Variants in SCD5 observed in about 807,000 individuals in gnomAD.
The protein encoded by SCD5 is stearoyl-CoA desaturase 5, also known as acyl-CoA-desaturase 4.
Under a neutral mutation model 30.4 loss-of-function variants are expected in SCD5, and 20 were observed. That is an observed-to-expected ratio of 0.66 (90% confidence interval 0.46 to 0.96). The LOEUF is 0.96. Among genes scored for constraint, SCD5 ranks in the 40% least tolerant of loss-of-function variants. The pLI is 0.00. For missense variants in SCD5, 381 were observed against 443.3 expected (o/e 0.86, Z 1.26); for synonymous variants, 173 against 176.4 (o/e 0.98, Z 0.16).
At position 82,702,596 on chromosome 4, in the gene SCD5, G is replaced by T. The variant is rs1719876188; in HGVS notation, c.363+2687C>A. 2.0e-5 allele frequency among the ~76,000 whole-genome samples: 3 copies of T among 152,186 alleles called. No homozygotes were observed. The South Asian group carries it at 6.2e-4, about 31-fold the overall frequency. On this transcript the variant is annotated intron_variant, in intron 2 of 4. Transcript: ENST00000319540. ...TACTGTTCTTAATGCTCAAGGTCTTGTTTGTAGCATCTAGCAAAAACCCTG... is the reference window on the plus strand; with the variant it reads ...TACTGTTCTTAATGCTCAAGGTCTTTTTTGTAGCATCTAGCAAAAACCCTG...
intron 2 of SCD5, among the ~76,000 whole-genome samples, chr4:82,698,246 CCA>C (rs1719739221): frequency 6.6e-6 from 1 of 152,290 alleles, no homozygotes; most frequent in South Asian, 2.1e-4. Flanking sequence ...GACTTAGAAC[CCA>C]CAGAGAGCCA....
chr4:82,636,878 G>A (rs1727444835), intron 3 of SCD5, 55 bp from the exon 4 acceptor site: 4 of 1,437,852 alleles, frequency 2.8e-6, no homozygotes, highest in Admixed American at 4.3e-5. Flanking sequence ...AGAGAGGATG[G>A]GCTGAGCAAG....
chr4:82,706,371 G>T (rs1016840777), intron 1 of SCD5, among the ~76,000 whole-genome samples: 30 of 152,224 alleles, frequency 2.0e-4, no homozygotes, highest in African/African-American at 5.8e-4. Flanking sequence ...TTCCCAGTCA[G>T]ACCTTTACCA....
intron 1 of SCD5, among the ~76,000 whole-genome samples, chr4:82,722,278 C>G (rs1003894043): frequency 6.6e-6 from 1 of 151,422 alleles, no homozygotes; most frequent in South Asian, 2.1e-4. Flanking sequence ...CCAAAAAGGG[C>G]TCCATCTTGA....
At position 82,718,792 on chromosome 4, in the gene SCD5, T is replaced by C. The variant is rs539562684; in HGVS notation, c.233-13379A>G. Among the ~76,000 whole-genome samples, 5 of 151,988 alleles carry C rather than the reference T, an allele frequency of 3.3e-5. No individual in the cohort carries two copies. The East Asian group carries it at 9.6e-4, about 29-fold the overall frequency. ...TTTATTCTTGCCAAATCGCTTTAAG[T>C]TGCTGTGAATAACCCCAAGACAGAC... is the stretch of plus-strand genomic sequence containing the variant. On this transcript the variant is annotated intron_variant, in intron 1 of 4. Coordinates refer to ENST00000319540, the MANE Select transcript of SCD5 (RefSeq NM_001037582.3).
At chr4:82,658,054 G>C (rs1727902507) in intron 3 of SCD5, among the ~76,000 whole-genome samples, 1 of 152,194 alleles carries the variant, frequency 6.6e-6, no homozygotes, top group Non-Finnish European at 1.5e-5. Context: ...GAGACAATTT[G>C]ACTTCCTCTC....
chr4:82,784,368 C>A (rs900404707), intron 1 of SCD5, among the ~76,000 whole-genome samples: 1 of 152,102 alleles, frequency 6.6e-6, no homozygotes, highest in South Asian at 2.1e-4. Context: ...TTGTGAGTGA[C>A]GAGTACACCT....
rs375098465 is a variant in SCD5 at position 82,712,466 on chromosome 4, T to C, written c.233-7053A>G. 4.3e-4 allele frequency among the ~76,000 whole-genome samples: 65 copies of C among 149,682 alleles called. No individual in the cohort carries two copies. In the South Asian group the frequency reaches 0.014, roughly 32 times the overall value. ...CTGAGTAGCTGGGATTACAGGCGTG[T>C]GCCATCACGCCTGGCTAATTTTTGT... On this transcript the variant is annotated intron_variant, in intron 1 of 4. Transcript: ENST00000319540.
chr4:82,736,155 G>A (rs912147149), intron 1 of SCD5, among the ~76,000 whole-genome samples: 1 of 151,968 alleles, frequency 6.6e-6, no homozygotes, highest in African/African-American at 2.4e-5. Context: ...GGGTGTGGTG[G>A]CATGTGCCTG....
chr4:82,773,974 A>G (rs1721684163), intron 1 of SCD5, among the ~76,000 whole-genome samples: 1 of 152,000 alleles, frequency 6.6e-6, no homozygotes, highest in South Asian at 2.1e-4. Context: ...CTGTAATCCC[A>G]GCTACTCGGG....
intron 1 of SCD5, among the ~76,000 whole-genome samples, chr4:82,739,104 T>C (rs567994898): frequency 7.2e-4 from 110 of 152,316 alleles, no homozygotes; most frequent in African/African-American, 2.5e-3. Flanking sequence ...GACTGTGACT[T>C]TGGGGCCAAA....
chr4:82,732,948 C>A (rs1167046741), intron 1 of SCD5, among the ~76,000 whole-genome samples: 1 of 152,088 alleles, frequency 6.6e-6, no homozygotes, highest in Admixed American at 6.5e-5. Flanking sequence ...CACTACCAGT[C>A]TAGTAGAAAG....
chr4:82,769,770 T>C (rs916128913), intron 1 of SCD5, among the ~76,000 whole-genome samples: 12 of 152,224 alleles, frequency 7.9e-5, no homozygotes, highest in Admixed American at 7.9e-4. Flanking sequence ...CTTAAAAATA[T>C]GTATTTATAC....
intron 3 of SCD5, among the ~76,000 whole-genome samples, chr4:82,654,743 C>T (rs540295532): frequency 1.3e-5 from 2 of 152,220 alleles, no homozygotes; most frequent in South Asian, 4.1e-4. Context: ...GTGATACTTC[C>T]CGCTGTTAGC....
At chr4:82,702,305 C>G in intron 2 of SCD5, among the ~76,000 whole-genome samples, 1 of 151,780 alleles carries the variant, frequency 6.6e-6, no homozygotes, top group Non-Finnish European at 1.5e-5. Context: ...CCACCATGCC[C>G]AGCTAATTTT....
At chr4:82,658,606 A>T (rs1727915969) in intron 3 of SCD5, among the ~76,000 whole-genome samples, 1 of 144,090 alleles carries the variant, frequency 6.9e-6, no homozygotes, top group Non-Finnish European at 1.5e-5. Context: ...AGCTGGGACT[A>T]CAAGTGTGTG....
At chr4:82,759,909 A>G (rs1721320594) in intron 1 of SCD5, among the ~76,000 whole-genome samples, 3 of 152,126 alleles carry the variant, frequency 2.0e-5, no homozygotes, top group South Asian at 4.2e-4. Context: ...TATTGATCCA[A>G]TCTCAAACCT....
chr4:82,668,909 CAG>C (rs1728246960), intron 3 of SCD5, among the ~76,000 whole-genome samples: 1 of 152,204 alleles, frequency 6.6e-6, no homozygotes, highest in Non-Finnish European at 1.5e-5. Flanking sequence ...ATGATTTCTA[CAG>C]AGTTTTTCAC....
Position 82,630,422 on chromosome 4 carries a change from T to C in SCD5, c.*905A>G, listed in dbSNP as rs544679076. ...AGTTACCACATAGATCCCCCTTCTG[T>C]CTTCTACCCTGCCTCTCTGCTCCTT... On this transcript the variant is annotated 3_prime_UTR_variant, in exon 5 of 5. Coordinates refer to ENST00000319540, the MANE Select transcript of SCD5 (RefSeq NM_001037582.3). The C allele has an allele frequency of 6.6e-6, 1 of 152,326 alleles. No individual in the cohort carries two copies. The highest frequency in any genetic ancestry group is 2.1e-4 in the South Asian group (1 of 4,818). The allele number at this position is 152,326 out of a possible 1,614,324, so 9.4% of individuals were successfully genotyped here.
Sources: allele counts gnomAD v4.1 joint callset (sites outside exome capture counted in the v4.1 genomes callset), GRCh38; gene constraint gnomAD v4.1.1; transcripts MANE v1.5; gene names NCBI Gene and HGNC (gene_info 2026-07-23, HGNC 2026-07-21).